CHPF2: variants seen among roughly 807,000 people sequenced by gnomAD.
The protein encoded by CHPF2 is chondroitin polymerizing factor 2, non-catalytic subunit.
CHPF2 carries 58 observed loss-of-function variants against 63.0 expected under a neutral mutation model. The ratio of observed to expected loss-of-function variants is 0.92; its 90% CI spans 0.75 to 1.15. The LOEUF (loss-of-function observed/expected upper bound fraction) is 1.15. Among genes scored for constraint, CHPF2 ranks in the 50% most tolerant of loss-of-function variants. CHPF2 has a pLI of 0.00. For missense variants in CHPF2, 1,045 were observed against 1,035.4 expected, an observed-to-expected ratio of 1.01 and a Z score of -0.13; for synonymous variants, 442 against 438.0, an observed-to-expected ratio of 1.01 and a Z score of -0.11.
At position 151,236,583 on chromosome 7, in the gene CHPF2, A is replaced by G. The variant is rs1458833040; in HGVS notation, c.1004A>G (p.Gln335Arg). The G allele has an allele frequency of 1.9e-6, 3 of 1,577,218 alleles. No individual in the cohort carries two copies. The highest frequency in any genetic ancestry group is 2.6e-6 in the Non-Finnish European group (3 of 1,156,008). The change falls in exon 3 of 4, where the codon CAA becomes CGA. Residue 335 changes from glutamine to arginine, a missense_variant. By Grantham distance (43) the Gln-to-Arg change is conservative. Coordinates refer to ENST00000035307, the MANE Select transcript of CHPF2 (RefSeq NM_019015.3). ...ELERAYSEIE[Q>R]LQAQIRNLTV... is the part of the protein sequence containing the mutation. Reference sequence around the variant, plus strand: ...GAGCGGGCTTACAGTGAAATAGAACAACTGCAGGTGAGCTGAAGAGGAGCA... The same window carrying G: ...GAGCGGGCTTACAGTGAAATAGAACGACTGCAGGTGAGCTGAAGAGGAGCA...
Position 151,237,867 on chromosome 7 carries a change from C to T in CHPF2, c.1505C>T (p.Ala502Val). The change falls in exon 4 of 4, where the codon GCA becomes GTA. Residue 502 changes from alanine to valine, a missense_variant. By Grantham distance (64) the Ala-to-Val change is moderately conservative. Transcript: ENST00000035307. ...CCACTCCTGGTGGCTGAAGCTGCTG[C>T]AGCCCCGGCTTTCCTCGAGGCCTTT... The part of the protein sequence containing the change: ...VLPLLVAEAA[A>V]APAFLEAFAA... The T allele has an allele frequency of 6.2e-7, 1 of 1,612,746 alleles. No homozygotes were observed. The highest frequency in any genetic ancestry group is 8.5e-7 in the Non-Finnish European group (1 of 1,180,030).
In CHPF2 at chr7:151,235,294, C is replaced by A; in HGVS notation, c.510C>A (p.His170Gln). Reference protein sequence around the residue: ...MSETLRHLHTHFGADYDWFFI... With the variant: ...MSETLRHLHTQFGADYDWFFI... The stretch of plus-strand genomic sequence containing the variant: ...AGACCCTGCGCCACCTTCACACACA[C>A]TTTGGGGCCGACTACGACTGGTTCT... Residue 170 changes from histidine (H) to glutamine (Q), a missense_variant, in exon 2 of 4, where the codon CAC becomes CAA. By Grantham distance (24) the His-to-Gln change is conservative. Transcript: ENST00000035307. 1 of 1,614,020 alleles carries A rather than the reference C, an allele frequency of 6.2e-7. No homozygotes were observed. The highest frequency in any genetic ancestry group is 8.5e-7 in the Non-Finnish European group (1 of 1,180,038).
Position 151,235,346 on chromosome 7 carries a change from C to T in CHPF2, c.562C>T (p.Gln188Ter), listed in dbSNP as rs749209205. 2 of 1,613,908 alleles carry T rather than the reference C, an allele frequency of 1.2e-6. No homozygotes were observed. The highest frequency in any genetic ancestry group is 3.3e-5 in the Admixed American group (2 of 60,024). Residue 188 changes from glutamine to a stop codon, truncating the protein, a stop_gained, in exon 2 of 4, where the codon CAG becomes TAG. Transcript: ENST00000035307. LOFTEE classifies it high-confidence loss of function. ...CATCATGCAGGATGACACATATGTG[C>T]AGGCCCCCCGCCTGGCAGCCCTTGC... ...FFIMQDDTYV[Q>*]APRLAALAGH...
chr7:151,234,141 G>T lies in CHPF2; in HGVS notation c.130G>T (p.Glu44Ter), dbSNP rs761779746. 6.2e-7 allele frequency: 1 copy of T among 1,613,212 alleles called. No homozygotes were observed. The highest frequency in any genetic ancestry group is 2.2e-5 in the East Asian group (1 of 44,758). The change falls in exon 1 of 4, where the codon GAG becomes TAG. Residue 44 changes from glutamate (E) to a stop codon, truncating the protein, a stop_gained. Transcript: ENST00000035307. LOFTEE classifies it high-confidence loss of function. ...GGGGGAGGGAGAAGATCCCTGTGTC[G>T]AGGCTGTAGGGGAGCGAGGAGGGCC... ...IQGEGEDPCVEAVGERGGPQN... is the reference protein window; with the variant it reads ...IQGEGEDPCV
chr7:151,233,672 T>C lies in CHPF2; in HGVS notation c.-340T>C. On this transcript the variant is annotated 5_prime_UTR_variant, in exon 1 of 4. Transcript: ENST00000035307. ...ATGTGTGTAGTGTTCCTTTTTGGGT[T>C]AGCTTTGGCAGTATTGAGTTTTACT... The C allele has an allele frequency of 9.5e-7, 1 of 1,047,756 alleles. No homozygotes were observed. The allele number at this position is 1,047,756 out of a possible 1,614,324, so 64.9% of individuals were successfully genotyped here.
rs761057741 is a variant in CHPF2 at position 151,234,023 on chromosome 7, C to T, written c.12C>T (p.Ser4=). 1.3e-6 allele frequency: 2 copies of T among 1,525,510 alleles called. No homozygotes were observed. Among genetic ancestry groups the T allele is most frequent in the Non-Finnish European group, 1.8e-6 (2 of 1,137,474 alleles). 94.5% of individuals were successfully genotyped at this position (1,525,510 alleles called of 1,614,324 possible). A position where few individuals can be genotyped will look rare whatever the true frequency, so the allele number is the denominator to read the frequency against. ...CAGGGCCTACCACCATGCGACTGAG[C>T]TCCCTGTTGGCTCTGCTGCGGCCAG... MRL[S]SLLALLRPAL... The change falls in exon 1 of 4, where the codon AGC becomes AGT. Residue 4 remains serine (S), a synonymous_variant. Transcript: ENST00000035307.
Position 151,238,690 on chromosome 7 carries a change from G to A in CHPF2, c.*9G>A. 6.2e-7 allele frequency: 1 copy of A among 1,606,052 alleles called. No homozygotes were observed. The highest frequency in any genetic ancestry group is 1.1e-5 in the South Asian group (1 of 89,792). ...AGGCCAATAGCACTTAGCCCGCCTG[G>A]GGGCCCTAACCTCATTACCTTTCCT... On this transcript the variant is annotated 3_prime_UTR_variant, in exon 4 of 4. Coordinates refer to ENST00000035307, the MANE Select transcript of CHPF2 (RefSeq NM_019015.3).
At chr7:151,236,261 G>T in intron 2 of CHPF2, 147 bp from the exon 3 acceptor site, 1 of 620,696 alleles carries the variant, frequency 1.6e-6, no homozygotes, top group Non-Finnish European at 2.6e-6. Flanking sequence ...AAGAACTGGG[G>T]TTAAGCGAGG....
At position 151,232,771 on chromosome 7, in the gene CHPF2, T is replaced by G. The variant is rs766205044; in HGVS notation, c.-1241T>G. 1.3e-6 allele frequency: 2 copies of G among 1,506,290 alleles called. No individual in the cohort carries two copies. The highest frequency in any genetic ancestry group is 4.1e-5 in the Admixed American group (2 of 48,336). 93.3% of individuals were successfully genotyped at this position (1,506,290 alleles called of 1,614,324 possible). A position where few individuals can be genotyped will look rare whatever the true frequency, so the allele number is the denominator to read the frequency against. On this transcript the variant is annotated 5_prime_UTR_variant, in exon 1 of 4. Coordinates refer to ENST00000035307, the MANE Select transcript of CHPF2 (RefSeq NM_019015.3). ...TCCTGCGCTCGCGGCCTCGATGCTG[T>G]CTCTGGCGCGGCCTCCGCTCCCGCC...
In CHPF2 at chr7:151,235,156, G is replaced by A; in HGVS notation, c.372G>A (p.Val124=). The change falls in exon 2 of 4, where the codon GTG becomes GTA. Residue 124 remains valine (V), a synonymous_variant. Transcript: ENST00000035307. ...STLAVAVNRT[V]AHHFPRLLYF... is the part of the protein sequence containing the mutation. ...TGGCCGTGGCTGTGAACCGTACGGTGGCCCATCACTTCCCTCGGTTACTCT... is the reference window on the plus strand; with the variant it reads ...TGGCCGTGGCTGTGAACCGTACGGTAGCCCATCACTTCCCTCGGTTACTCT... The A allele has an allele frequency of 2.5e-6, 4 of 1,613,348 alleles. No individual in the cohort carries two copies. The highest frequency in any genetic ancestry group is 3.4e-6 in the Non-Finnish European group (4 of 1,179,674).
Position 151,237,510 on chromosome 7 carries a change from C to T in CHPF2, c.1148C>T (p.Thr383Ile). ...TGGGACTACTTCACAGAGCAGCACA[C>T]CTTCTCCTGTGCAGATGGGGCTCCC... ...LGWDYFTEQHTFSCADGAPKC... is the reference protein window; with the variant it reads ...LGWDYFTEQHIFSCADGAPKC... Residue 383 changes from threonine (T) to isoleucine (I), a missense_variant, in exon 4 of 4, where the codon ACC (threonine) becomes ATC (isoleucine). Physicochemically the swap from Thr to Ile is moderately conservative, Grantham distance 89 (BLOSUM62 -1). Coordinates refer to ENST00000035307, the MANE Select transcript of CHPF2 (RefSeq NM_019015.3). 6.2e-7 allele frequency: 1 copy of T among 1,614,050 alleles called. No individual in the cohort carries two copies. Among genetic ancestry groups the T allele is most frequent in the Non-Finnish European group, 8.5e-7 (1 of 1,180,028 alleles).
rs767402077 is a variant in CHPF2 at position 151,238,302 on chromosome 7, C to A, written c.1940C>A (p.Pro647His). The A allele has an allele frequency of 4.3e-6, 7 of 1,610,644 alleles. No homozygotes were observed. Among genetic ancestry groups the A allele is most frequent in the South Asian group, 3.3e-5 (3 of 91,008 alleles). Residue 647 changes from proline (P) to histidine (H), a missense_variant, in exon 4 of 4, where the codon CCC (proline) becomes CAC (histidine). By Grantham distance (77) the Pro-to-His change is moderately conservative. Transcript: ENST00000035307. Reference sequence around the variant, plus strand: ...CCCCCGGGGGCTGGCCCTGACCCCCCCTCCCCTCCTGGTGCTGACCCCTCC... The same window carrying A: ...CCCCCGGGGGCTGGCCCTGACCCCCACTCCCCTCCTGGTGCTGACCCCTCC... ...PGPPGAGPDP[P>H]SPPGADPSRG... is the part of the protein sequence containing the mutation.
In CHPF2 at chr7:151,232,937, G is replaced by A; in HGVS notation, c.-1075G>A. 4.5e-6 allele frequency: 6 copies of A among 1,339,980 alleles called. No individual in the cohort carries two copies. Among genetic ancestry groups the A allele is most frequent in the Non-Finnish European group, 5.7e-6 (6 of 1,047,352 alleles). The allele number at this position is 1,339,980 out of a possible 1,614,324, so 83.0% of individuals were successfully genotyped here. ...GGCCAGTTTATTTCTGTTTTGAGAC[G>A]AACGGCGAAGACTCGCGTCGGGTCT... On this transcript the variant is annotated 5_prime_UTR_variant, in exon 1 of 4. Transcript: ENST00000035307.
At position 151,236,420 on chromosome 7, in the gene CHPF2, C is replaced by G; in HGVS notation, c.841C>G (p.Arg281Gly). ...CVSQHQGQQY[R>G]SFELAKNRDP... Reference sequence around the variant, plus strand: ...ATTGTCCCTCTAGGGGCAGCAGTATCGCTCATTTGAACTGGCCAAAAATAG... The same window carrying G: ...ATTGTCCCTCTAGGGGCAGCAGTATGGCTCATTTGAACTGGCCAAAAATAG... The change falls in exon 3 of 4, where the codon CGC becomes GGC. Residue 281 changes from arginine (R) to glycine (G), a missense_variant. Transcript: ENST00000035307. The G allele has an allele frequency of 6.3e-7, 1 of 1,582,762 alleles. No homozygotes were observed. Among genetic ancestry groups the G allele is most frequent in the Non-Finnish European group, 8.6e-7 (1 of 1,158,364 alleles).
In CHPF2 at chr7:151,233,710, T is replaced by C. The variant is rs1376464519; in HGVS notation, c.-302T>C. 3 of 1,125,796 alleles carry C rather than the reference T, an allele frequency of 2.7e-6. No homozygotes were observed. The highest frequency in any genetic ancestry group is 3.3e-6 in the Non-Finnish European group (3 of 920,920). The allele number at this position is 1,125,796 out of a possible 1,614,324, so 69.7% of individuals were successfully genotyped here. A position where few individuals can be genotyped will look rare whatever the true frequency, so the allele number is the denominator to read the frequency against. Reference sequence around the variant, plus strand: ...ATTGAGTTTTACTTCCTCCTCTTTTTAGTGGAAGACAGACCATAATCCCAG... The same window carrying C: ...ATTGAGTTTTACTTCCTCCTCTTTTCAGTGGAAGACAGACCATAATCCCAG... On this transcript the variant is annotated 5_prime_UTR_variant, in exon 1 of 4. The change abolishes the stop of an existing upstream ORF in the 5' untranslated region. Transcript: ENST00000035307.
In CHPF2 at chr7:151,233,000, G is replaced by C. The variant is rs1802516607; in HGVS notation, c.-1012G>C. ...TAGACTTGGTCTCTGATCGCCGAGA[G>C]GTAGCGCAGGGGCTGTGGGCCCCCG... On this transcript the variant is annotated 5_prime_UTR_variant, in exon 1 of 4. Coordinates refer to ENST00000035307, the MANE Select transcript of CHPF2 (RefSeq NM_019015.3). The C allele has an allele frequency of 7.8e-6, 10 of 1,281,398 alleles. No homozygotes were observed. Among genetic ancestry groups the C allele is most frequent in the Non-Finnish European group, 9.9e-6 (10 of 1,013,314 alleles). The allele number at this position is 1,281,398 out of a possible 1,614,324, so 79.4% of individuals were successfully genotyped here.
Position 151,235,230 on chromosome 7 carries a change from T to C in CHPF2, c.446T>C (p.Val149Ala), listed in dbSNP as rs1309575530. The C allele has an allele frequency of 1.9e-6, 3 of 1,613,000 alleles. No individual in the cohort carries two copies. The African/African-American group carries it at 4.0e-5, about 22-fold the overall frequency. ...CGGGCTCCAGCAGGGATGCAGGTGGTGTCTCATGGGGATGAGCGGCCCGCC... is the reference window on the plus strand; with the variant it reads ...CGGGCTCCAGCAGGGATGCAGGTGGCGTCTCATGGGGATGAGCGGCCCGCC... ...GARAPAGMQV[V>A]SHGDERPAWL... is the part of the protein sequence containing the mutation. Residue 149 changes from valine to alanine, a missense_variant, in exon 2 of 4, where the codon GTG becomes GCG. Coordinates refer to ENST00000035307, the MANE Select transcript of CHPF2 (RefSeq NM_019015.3).
chr7:151,238,396 C>T lies in CHPF2; in HGVS notation c.2034C>T (p.Asp678=), dbSNP rs1344553595. 1.2e-6 allele frequency: 2 copies of T among 1,604,586 alleles called. No individual in the cohort carries two copies. The change falls in exon 4 of 4, where the codon GAC becomes GAT. Residue 678 remains aspartate, a synonymous_variant. Coordinates refer to ENST00000035307, the MANE Select transcript of CHPF2 (RefSeq NM_019015.3). ...CGGAGGGCTGCTTCTACAACGCTGA[C>T]TACCTGGCGGCCCGAGCCCGGCTGG... is the stretch of plus-strand genomic sequence containing the variant. ...ASAEGCFYNA[D]YLAARARLAG... is the part of the protein sequence containing the mutation.
chr7:151,235,857 C>T (rs1802628681), intron 2 of CHPF2, among the ~76,000 whole-genome samples: 1 of 137,744 alleles, frequency 7.3e-6, no homozygotes, highest in Non-Finnish European at 1.6e-5. Flanking sequence ...TCCCCTGCCC[C>T]CCTGCCCTCC....
Sources: gnomAD v4.1 joint callset for allele counts (sites outside exome capture counted in the v4.1 genomes callset) on GRCh38, gnomAD v4.1.1 for gene constraint, MANE v1.5 for transcripts, NCBI Gene and HGNC (gene_info 2026-07-23, HGNC 2026-07-21) for gene names.